Variants in TRPM2 observed in about 807,000 individuals in gnomAD.
The protein encoded by TRPM2 is estrogen-responsive element-associated gene 1 protein.
Under a neutral mutation model 174.0 loss-of-function variants are expected in TRPM2, and 161 were observed. That is an observed-to-expected ratio of 0.93 (90% CI 0.81 to 1.05). The LOEUF (loss-of-function observed/expected upper bound fraction) is 1.05, where lower values mean the gene tolerates loss of function less well. Among genes scored for constraint, TRPM2 ranks in the 50% least tolerant of loss-of-function variants. The pLI, the probability that TRPM2 is intolerant of heterozygous loss-of-function variation, is 0.00. For synonymous variants in TRPM2, 954 were observed against 861.3 expected (o/e 1.11, Z -1.88); for missense variants, 2,057 against 2,038.0 (o/e 1.01, Z -0.18).
At chr21:44,357,829 T>A (rs548167164) in intron 2 of TRPM2, among the ~76,000 whole-genome samples, 1 of 152,262 alleles carries the variant, frequency 6.6e-6, no homozygotes, top group Non-Finnish European at 1.5e-5. Context: ...GAAGGCAACC[T>A]GAGATCTGCT....
intron 27 of TRPM2, among the ~76,000 whole-genome samples, chr21:44,434,085 G>A (rs530343621): frequency 1.3e-5 from 2 of 152,004 alleles, no homozygotes; most frequent in Non-Finnish European, 2.9e-5. Context: ...ACGCACTGCC[G>A]CGCAGACTCA....
At position 44,395,519 on chromosome 21, in the gene TRPM2, C is replaced by A; in HGVS notation, c.1900C>A (p.Arg634Ser). Residue 634 changes from arginine (R) to serine (S), a missense_variant, in exon 12 of 32, where the codon CGT becomes AGT. Physicochemically the swap from Arg to Ser is moderately radical, Grantham distance 110. Coordinates refer to ENST00000397928, the MANE Select transcript of TRPM2 (RefSeq NM_003307.4). ...TCTCATTTGGGCCATTGTCCAGAAC[C>A]GTCGGGAGCTGGCAGGAATCATCTG... ...DLLIWAIVQN[R>S]RELAGIIWAQ... 1.2e-6 allele frequency: 2 copies of A among 1,613,050 alleles called. No individual in the cohort carries two copies. Among genetic ancestry groups the A allele is most frequent in the African/African-American group, 2.7e-5 (2 of 75,042 alleles).
chr21:44,364,118 G>C lies in TRPM2; in HGVS notation c.259G>C (p.Val87Leu). The C allele has an allele frequency of 6.2e-7, 1 of 1,613,680 alleles. No individual in the cohort carries two copies. Residue 87 changes from valine (V) to leucine (L), a missense_variant, in exon 3 of 32, where the codon GTG becomes CTG. Transcript: ENST00000397928. ...ACTGGTGCTGTGTCTTTGCAGGAAG[G>C]TGGTGTGTCAGTGTGGCTACACGCA... ...ESSKLSDAGK[V>L]VCQCGYTHEQ...
In TRPM2 at chr21:44,364,350, G is replaced by C. The variant is rs533176981; in HGVS notation, c.423+68G>C. The C allele has an allele frequency of 2.6e-6, 4 of 1,568,390 alleles. No individual in the cohort carries two copies. In the African/African-American group the frequency reaches 4.0e-5, roughly 16 times the overall value. On this transcript the variant is annotated intron_variant, in intron 3 of 31. Transcript: ENST00000397928. ...CATGGCCCCACAGTGACACGCGGTG[G>C]TCGGCATTTCCTGGGGCAAGAGCAG...
At chr21:44,358,198 C>T (rs959594474) in intron 2 of TRPM2, among the ~76,000 whole-genome samples, 5 of 152,238 alleles carry the variant, frequency 3.3e-5, no homozygotes, top group African/African-American at 4.8e-5. Flanking sequence ...GTCTCATTTC[C>T]GTGTCTGCTG....
At chr21:44,414,216 G>A in intron 20 of TRPM2, 142 bp downstream of exon 20, 2 of 1,120,972 alleles carry the variant, frequency 1.8e-6, no homozygotes, top group South Asian at 1.4e-5. Flanking sequence ...TATCCTGGTG[G>A]AGTGTGCACA....
chr21:44,397,729 G>A lies in TRPM2; in HGVS notation c.1933-18G>A. On this transcript the variant is annotated intron_variant, in intron 12 of 31. Transcript: ENST00000397928. ...GAGCCTGGCTCTTTAGTCTCACGGTGGCTCCTCTGGTCCCCAGAGCCAGGA... is the reference window on the plus strand; with the variant it reads ...GAGCCTGGCTCTTTAGTCTCACGGTAGCTCCTCTGGTCCCCAGAGCCAGGA... 2 of 1,553,354 alleles carry A rather than the reference G, an allele frequency of 1.3e-6. No individual in the cohort carries two copies. The highest frequency in any genetic ancestry group is 4.6e-5 in the East Asian group (2 of 43,828).
chr21:44,406,969 G>A (rs1805202708), intron 19 of TRPM2, among the ~76,000 whole-genome samples: 1 of 149,706 alleles, frequency 6.7e-6, no homozygotes, highest in Admixed American at 6.7e-5. Context: ...AGGGAGGAGG[G>A]GGGCCTGGTG....
chr21:44,392,188 C>T (rs1231250078), intron 11 of TRPM2, among the ~76,000 whole-genome samples: 2 of 151,710 alleles, frequency 1.3e-5, no homozygotes, highest in African/African-American at 2.4e-5. Context: ...GTCTCAACCT[C>T]CTGGCCTCAA....
intron 27 of TRPM2, among the ~76,000 whole-genome samples, chr21:44,431,837 T>C (rs2051035338): frequency 6.6e-6 from 1 of 152,204 alleles, no homozygotes; most frequent in Non-Finnish European, 1.5e-5. Context: ...GCATTTTTGT[T>C]GGAGCGGGAT....
chr21:44,426,493 C>A (rs1160417934), intron 25 of TRPM2, among the ~76,000 whole-genome samples, 167 bp from the exon 26 acceptor site: 1 of 152,192 alleles, frequency 6.6e-6, no homozygotes, highest in African/African-American at 2.4e-5. Context: ...TGCCCAGCCC[C>A]CAGCTCTGCC....
chr21:44,382,752 C>G lies in TRPM2; in HGVS notation c.1250C>G (p.Thr417Ser). Residue 417 changes from threonine (T) to serine (S), a missense_variant, in exon 9 of 32, where the codon ACT becomes AGT. Physicochemically the swap from Thr to Ser is moderately conservative, Grantham distance 58. Transcript: ENST00000397928. ...QDIVRRRQLL[T>S]VFREGKDGQQ... ...ATCGTCCGGAGGCGGCAGCTGCTGA[C>G]TGTCTTCCGGGAAGGCAAGGATGGT... 6.2e-7 allele frequency: 1 copy of G among 1,614,108 alleles called. No homozygotes were observed. The highest frequency in any genetic ancestry group is 8.5e-7 in the Non-Finnish European group (1 of 1,180,030).
At chr21:44,374,630 A>G (rs531379153) in intron 5 of TRPM2, among the ~76,000 whole-genome samples, 1 of 152,154 alleles carries the variant, frequency 6.6e-6, no homozygotes, top group East Asian at 1.9e-4. Flanking sequence ...GGGGAGTACA[A>G]CCTAGGTCCC....
At chr21:44,360,407 C>T (rs1036687352) in intron 2 of TRPM2, among the ~76,000 whole-genome samples, 1 of 152,040 alleles carries the variant, frequency 6.6e-6, no homozygotes, top group Non-Finnish European at 1.5e-5. Context: ...TTTGTGTGTG[C>T]TTTTAACTTT....
chr21:44,384,422 C>T (rs114724197), intron 9 of TRPM2, among the ~76,000 whole-genome samples: 1 of 152,174 alleles, frequency 6.6e-6, no homozygotes. Context: ...TCCAGAATGG[C>T]AGCACATACA....
In TRPM2 at chr21:44,399,551, C is replaced by T; in HGVS notation, c.2208+110C>T. 1 of 1,416,058 alleles carries T rather than the reference C, an allele frequency of 7.1e-7. No individual in the cohort carries two copies. The highest frequency in any genetic ancestry group is 9.3e-7 in the Non-Finnish European group (1 of 1,073,008). The allele number at this position is 1,416,058 out of a possible 1,614,324, so 87.7% of individuals were successfully genotyped here. A position where few individuals can be genotyped will look rare whatever the true frequency, so the allele number is the denominator to read the frequency against. ...GCACACTCACACAGGCTTCAGGGCC[C>T]TCAGCAGCTCGGGGACAGCGCCTGA... On this transcript the variant is annotated intron_variant, in intron 14 of 31. Coordinates refer to ENST00000397928, the MANE Select transcript of TRPM2 (RefSeq NM_003307.4). The surrounding 1 kb of genome is among the most constrained non-coding windows in gnomAD (Gnocchi z 4.6).
At chr21:44,390,088 G>C (rs762773064) in intron 9 of TRPM2, among the ~76,000 whole-genome samples, 1 of 152,034 alleles carries the variant, frequency 6.6e-6, no homozygotes, top group Non-Finnish European at 1.5e-5. Flanking sequence ...TAGCCAGGAT[G>C]GTCTCGATCT....
intron 5 of TRPM2, among the ~76,000 whole-genome samples, chr21:44,374,953 C>T (rs1248126202): frequency 6.6e-6 from 1 of 152,198 alleles, no homozygotes; most frequent in Non-Finnish European, 1.5e-5. Flanking sequence ...GACAGGGTCT[C>T]ACTGTTGCCC....
intron 27 of TRPM2, 34 bp from the exon 28 acceptor site, chr21:44,435,097 G>C: frequency 6.3e-7 from 1 of 1,598,188 alleles, no homozygotes; most frequent in Non-Finnish European, 8.6e-7. Context: ...CCCATTGGTG[G>C]ACGGTGGACT....
Sources: allele counts gnomAD v4.1 joint callset (sites outside exome capture counted in the v4.1 genomes callset), GRCh38; gene constraint gnomAD v4.1.1; non-coding constraint Gnocchi (gnomAD v3.1); transcripts MANE v1.5; gene names NCBI Gene and HGNC (gene_info 2026-07-23, HGNC 2026-07-21).